Variants in CABCOCO1 observed in about 807,000 individuals in gnomAD.
CABCOCO1 encodes the protein ciliary associated calcium binding coiled-coil 1, also known as ciliary-associated calcium-binding coiled-coil protein 1.
A neutral mutation model predicts 35.7 loss-of-function variants in CABCOCO1; 28 were observed. The observed-to-expected ratio is 0.78, with a 90% CI of 0.58 to 1.07. The LOEUF is 1.07. CABCOCO1 is among the 50% of genes least tolerant of loss of function. The probability of loss-of-function intolerance (pLI) is 0.00; values close to 1 mark genes in which losing one functional copy is unlikely to be tolerated. For missense variants in CABCOCO1, 326 were observed against 309.2 expected, an observed-to-expected ratio of 1.05 and a Z score of -0.41; for synonymous variants, 95 against 100.1, an observed-to-expected ratio of 0.95 and a Z score of 0.30.
At chr10:61,700,162 T>G (rs1271166610) in intron 5 of CABCOCO1, among the ~76,000 whole-genome samples, 2 of 152,052 alleles carry the variant, frequency 1.3e-5, no homozygotes, top group Admixed American at 1.3e-4. Context: ...GGGAAATGTC[T>G]AACTATTGTC....
At chr10:61,705,494 G>T (rs914211366) in intron 5 of CABCOCO1, among the ~76,000 whole-genome samples, 3 of 152,130 alleles carry the variant, frequency 2.0e-5, no homozygotes, top group Admixed American at 6.6e-5. Flanking sequence ...TGTGACACTG[G>T]CTAGTAAAAC....
intron 2 of CABCOCO1, among the ~76,000 whole-genome samples, chr10:61,678,987 G>C (rs1021060094): frequency 1.3e-5 from 2 of 152,044 alleles, no homozygotes; most frequent in Non-Finnish European, 1.5e-5. Flanking sequence ...TCCCAAACTT[G>C]TTCAATCTTG....
chr10:61,666,687 A>ATATT (rs1387582698), intron 1 of CABCOCO1, among the ~76,000 whole-genome samples: 4 of 151,926 alleles, frequency 2.6e-5, no homozygotes, highest in African/African-American at 9.7e-5. Flanking sequence ...GTCTTTAGCA[A>ATATT]GTCTAGAATT....
intron 5 of CABCOCO1, among the ~76,000 whole-genome samples, chr10:61,743,745 A>G (rs544133231): frequency 2.6e-5 from 4 of 152,188 alleles, no homozygotes; most frequent in African/African-American, 4.8e-5. Context: ...CTGTCTGTCT[A>G]TCTGGTATTT....
chr10:61,719,766 A>T (rs931663474), intron 5 of CABCOCO1, among the ~76,000 whole-genome samples: 1 of 151,940 alleles, frequency 6.6e-6, no homozygotes, highest in African/African-American at 2.4e-5. Flanking sequence ...ACAGAAATAC[A>T]AAAAATTAGC....
chr10:61,680,554 T>C (rs1313209072), intron 2 of CABCOCO1, among the ~76,000 whole-genome samples: 4 of 115,082 alleles, frequency 3.5e-5, no homozygotes, highest in Admixed American at 1.1e-4. Flanking sequence ...ATATAACATA[T>C]AATATATATT....
chr10:61,748,902 G>T (rs980441834), intron 5 of CABCOCO1, among the ~76,000 whole-genome samples: 9 of 152,024 alleles, frequency 5.9e-5, no homozygotes, highest in Non-Finnish European at 1.3e-4. Flanking sequence ...AAATGGATGG[G>T]TCTGATCAGG....
At chr10:61,688,698 C>T (rs1181785888) in intron 4 of CABCOCO1, among the ~76,000 whole-genome samples, 2 of 152,122 alleles carry the variant, frequency 1.3e-5, no homozygotes, top group African/African-American at 4.8e-5. Flanking sequence ...TCAACCCTGC[C>T]GCTCTGTAAA....
At chr10:61,699,983 T>C (rs1011870074) in intron 5 of CABCOCO1, among the ~76,000 whole-genome samples, 1 of 152,150 alleles carries the variant, frequency 6.6e-6, no homozygotes, top group African/African-American at 2.4e-5. Flanking sequence ...CACAAAGTTA[T>C]ATTTGGAAAA....
intron 5 of CABCOCO1, among the ~76,000 whole-genome samples, chr10:61,718,403 C>T (rs954027241): frequency 6.6e-6 from 1 of 152,044 alleles, no homozygotes; most frequent in Admixed American, 6.6e-5. Flanking sequence ...CTGGAAAATG[C>T]TCAATCAACT....
At chr10:61,717,679 G>A (rs573709611) in intron 5 of CABCOCO1, among the ~76,000 whole-genome samples, 3 of 152,130 alleles carry the variant, frequency 2.0e-5, no homozygotes, top group Non-Finnish European at 2.9e-5. Context: ...AAATATTTAG[G>A]AAATTAACAG....
chr10:61,754,772 G>T (rs1841862229), intron 5 of CABCOCO1, among the ~76,000 whole-genome samples: 1 of 152,026 alleles, frequency 6.6e-6, no homozygotes, highest in African/African-American at 2.4e-5. Flanking sequence ...CTAACTTGTT[G>T]TACTGTGTTA....
At chr10:61,747,361 G>A in intron 5 of CABCOCO1, among the ~76,000 whole-genome samples, 1 of 152,116 alleles carries the variant, frequency 6.6e-6, no homozygotes, top group East Asian at 1.9e-4. Context: ...AATAGAATGT[G>A]TCATTTCATA....
At chr10:61,696,444 A>T (rs930986049) in intron 5 of CABCOCO1, among the ~76,000 whole-genome samples, 1 of 152,080 alleles carries the variant, frequency 6.6e-6, no homozygotes, top group Non-Finnish European at 1.5e-5. Flanking sequence ...TGTGAATAAA[A>T]TTTTTTAAGT....
In CABCOCO1 at chr10:61,761,003, G is replaced by A. The variant is rs1455119880; in HGVS notation, c.816G>A (p.Gln272=). Reference sequence around the variant, plus strand: ...CAGATGACATTTTAATCGGCATTCAGGTACTCAGTATTGATAGTATGCTCA... The same window carrying A: ...CAGATGACATTTTAATCGGCATTCAAGTACTCAGTATTGATAGTATGCTCA... ...QVTDDILIGI[Q]TEINEKLQIQ... Residue 272 remains glutamine, a splice_region_variant and synonymous_variant, in exon 7 of 8, where the codon CAG becomes CAA. Transcript: ENST00000648843. The A allele has an allele frequency of 2.0e-5, 32 of 1,611,594 alleles. No homozygotes were observed. The highest frequency in any genetic ancestry group is 2.7e-5 in the Non-Finnish European group (32 of 1,178,758).
chr10:61,694,723 A>C (rs930724883), intron 5 of CABCOCO1, among the ~76,000 whole-genome samples: 8 of 152,102 alleles, frequency 5.3e-5, no homozygotes, highest in African/African-American at 1.9e-4. Flanking sequence ...ATGGGCATCT[A>C]CAAGTTTGGA....
chr10:61,727,135 A>T (rs1345245226), intron 5 of CABCOCO1, among the ~76,000 whole-genome samples: 2 of 152,204 alleles, frequency 1.3e-5, no homozygotes, highest in Non-Finnish European at 2.9e-5. Context: ...TTAGATTATA[A>T]ACTTCTTGAA....
intron 5 of CABCOCO1, among the ~76,000 whole-genome samples, chr10:61,742,307 C>G (rs1209079523): frequency 6.6e-6 from 1 of 152,178 alleles, no homozygotes; most frequent in Non-Finnish European, 1.5e-5. Context: ...GTGCCACCCA[C>G]ATTAGACTAT....
intron 5 of CABCOCO1, among the ~76,000 whole-genome samples, chr10:61,711,842 A>G (rs1460075083): frequency 3.3e-5 from 5 of 152,068 alleles, no homozygotes; most frequent in Non-Finnish European, 2.9e-5. Context: ...ACAGTTCTCC[A>G]TAACCCATGG....
Sources: gnomAD v4.1 joint callset for allele counts (sites outside exome capture counted in the v4.1 genomes callset) on GRCh38, gnomAD v4.1.1 for gene constraint, MANE v1.5 for transcripts, NCBI Gene and HGNC (gene_info 2026-07-23, HGNC 2026-07-21) for gene names.